The following DLGAP1 variants were observed in gnomAD, a reference collection of about 807,000 sequenced individuals.
DLGAP1 encodes the protein DLG associated protein 1.
In DLGAP1, 11 loss-of-function variants were observed where a neutral mutation model predicts 90.8. The observed-to-expected ratio is 0.12, with a 90% confidence interval of 0.08 to 0.20. The LOEUF is 0.20. Among genes scored for constraint, DLGAP1 ranks in the 10% least tolerant of loss-of-function variants. The probability of loss-of-function intolerance (pLI) is 1.00; values close to 1 mark genes in which losing one functional copy is unlikely to be tolerated. For missense variants in DLGAP1, 1,050 were observed against 1,333.8 expected, an observed-to-expected ratio of 0.79 and a Z score of 3.31; for synonymous variants, 558 against 540.7, an observed-to-expected ratio of 1.03 and a Z score of -0.44.
At chr18:4,213,719 T>C (rs1320379453) in intron 1 of DLGAP1, among the ~76,000 whole-genome samples, 1 of 152,094 alleles carries the variant, frequency 6.6e-6, no homozygotes, top group Non-Finnish European at 1.5e-5. Context: ...AATGGGGACC[T>C]CCCCCATATC....
intron 1 of DLGAP1, among the ~76,000 whole-genome samples, chr18:4,432,210 G>C (rs1420546222): frequency 1.3e-5 from 2 of 152,252 alleles, no homozygotes; most frequent in East Asian, 3.9e-4. Context: ...TGTTGGGCAT[G>C]GTAGTAATTG....
At chr18:3,619,809 T>C (rs550560756) in intron 7 of DLGAP1, among the ~76,000 whole-genome samples, 4 of 151,094 alleles carry the variant, frequency 2.6e-5, no homozygotes, top group Admixed American at 1.3e-4. Context: ...GGTTTTTTTT[T>C]GTTTTTTGTT....
chr18:4,196,418 T>A (rs1005860914), intron 1 of DLGAP1, among the ~76,000 whole-genome samples: 6 of 152,366 alleles, frequency 3.9e-5, no homozygotes, highest in Admixed American at 3.9e-4. Context: ...TGGGTGTTAT[T>A]TGCAAAGTTT....
chr18:4,072,345 T>G (rs1343421751), intron 2 of DLGAP1, among the ~76,000 whole-genome samples: 1 of 152,162 alleles, frequency 6.6e-6, no homozygotes, highest in African/African-American at 2.4e-5. Context: ...AGATGTGATG[T>G]GTCCTAAATA....
chr18:4,190,967 A>G (rs2077387831), intron 1 of DLGAP1, among the ~76,000 whole-genome samples: 1 of 152,168 alleles, frequency 6.6e-6, no homozygotes, highest in South Asian at 2.1e-4. Context: ...AATACATTAA[A>G]TAAGAAACTC....
chr18:4,355,442 G>A (rs1323199379), intron 1 of DLGAP1, among the ~76,000 whole-genome samples: 1 of 152,202 alleles, frequency 6.6e-6, no homozygotes, highest in East Asian at 1.9e-4. Flanking sequence ...GGTACCAGGG[G>A]ATAGGAATAA....
Position 4,366,610 on chromosome 18 carries a change from T to A in DLGAP1, c.-267+88396A>T, listed in dbSNP as rs143218826. 4.6e-5 allele frequency among the ~76,000 whole-genome samples: 7 copies of A among 151,714 alleles called. No homozygotes were observed. In the East Asian group the frequency reaches 1.4e-3, roughly 29 times the overall value. ...AAAAAAGTCTGAAAAGAATCCTTAG[T>A]GGGGAGATAATTTAAAAAAACGCTG... On this transcript the variant is annotated intron_variant, in intron 1 of 12. Coordinates refer to ENST00000315677, the MANE Select transcript of DLGAP1 (RefSeq NM_004746.4).
chr18:4,407,994 CGTGAGTTT>C (rs2082700164), intron 1 of DLGAP1, among the ~76,000 whole-genome samples: 3 of 152,054 alleles, frequency 2.0e-5, no homozygotes, highest in Admixed American at 6.5e-5. Flanking sequence ...TGGAGATGAA[CGTGAGTTT>C]TGTCAAAGAA....
At chr18:3,502,814 C>T (rs922237576) in intron 11 of DLGAP1, among the ~76,000 whole-genome samples, 169 bp from the exon 12 acceptor site, 1 of 152,094 alleles carries the variant, frequency 6.6e-6, no homozygotes, top group Non-Finnish European at 1.5e-5. Flanking sequence ...TACACTCATC[C>T]GTTTGAGTCA....
At chr18:4,174,952 T>C (rs1320612619) in intron 1 of DLGAP1, among the ~76,000 whole-genome samples, 2 of 152,240 alleles carry the variant, frequency 1.3e-5, no homozygotes, top group African/African-American at 2.4e-5. Context: ...CATTTTTTTA[T>C]GGCTCTGTAG....
chr18:4,414,550 C>A (rs766573425), intron 1 of DLGAP1, among the ~76,000 whole-genome samples: 11 of 151,918 alleles, frequency 7.2e-5, no homozygotes, highest in Non-Finnish European at 7.4e-5. Flanking sequence ...ATAGTGAAAC[C>A]CAATCTCTAC....
chr18:3,640,592 C>T (rs189988227), intron 7 of DLGAP1, among the ~76,000 whole-genome samples: 1 of 152,232 alleles, frequency 6.6e-6, no homozygotes, highest in Non-Finnish European at 1.5e-5. Context: ...CCCACTGCTG[C>T]ACTCAGGACC....
At chr18:4,362,819 C>T (rs2081658602) in intron 1 of DLGAP1, among the ~76,000 whole-genome samples, 1 of 151,912 alleles carries the variant, frequency 6.6e-6, no homozygotes, top group Non-Finnish European at 1.5e-5. Flanking sequence ...AAAAATCAAA[C>T]AAAGACATAC....
chr18:4,305,668 C>T (rs368856064), intron 1 of DLGAP1, among the ~76,000 whole-genome samples: 20 of 152,128 alleles, frequency 1.3e-4, no homozygotes, highest in African/African-American at 4.1e-4. Flanking sequence ...ATTGTTATTT[C>T]ACCTTTACAA....
At chr18:3,557,242 C>T in intron 9 of DLGAP1, among the ~76,000 whole-genome samples, 1 of 152,172 alleles carries the variant, frequency 6.6e-6, no homozygotes, top group Non-Finnish European at 1.5e-5. Context: ...TGTATTTCTG[C>T]CGGGTGCGGT....
rs1187088283 is a variant in DLGAP1 at position 3,772,429 on chromosome 18, TCCTC to T, written c.1173-29921_1173-29918del. Among the ~76,000 whole-genome samples, 478 of 83,600 alleles carry T rather than the reference TCCTC, an allele frequency of 5.7e-3. 21 individuals are homozygous for T. The highest frequency in any genetic ancestry group is 0.018 in the African/African-American group (446 of 24,372). 54.8% of individuals were successfully genotyped at this position (83,600 alleles called of 152,430 possible). On this transcript the variant is annotated intron_variant, in intron 5 of 12. Transcript: ENST00000315677. ...CTTTCTCTTTCTTTCTTTCCTTCCTTCCTCCCTCCCTCCCTCCCCCCCACCCCCC... is the reference window on the plus strand; with the variant it reads ...CTTTCTCTTTCTTTCTTTCCTTCCTTCCTCCCTCCCTCCCCCCCACCCCCC...
chr18:3,857,478 C>G (rs1291678532), intron 4 of DLGAP1, among the ~76,000 whole-genome samples: 1 of 151,946 alleles, frequency 6.6e-6, no homozygotes, highest in African/African-American at 2.4e-5. Context: ...TTTTACCCTA[C>G]CAGTTTAAGG....
chr18:3,902,308 T>C (rs926672684), intron 3 of DLGAP1, among the ~76,000 whole-genome samples: 3 of 152,200 alleles, frequency 2.0e-5, no homozygotes, highest in Admixed American at 6.5e-5. Flanking sequence ...CAAATGGAAG[T>C]AATATCGAGT....
chr18:3,654,533 G>A (rs1567905852), intron 7 of DLGAP1, among the ~76,000 whole-genome samples: 1 of 152,194 alleles, frequency 6.6e-6, no homozygotes, highest in African/African-American at 2.4e-5. Flanking sequence ...TGACTTCAAA[G>A]CCATTCCTTG....
Sources: allele counts gnomAD v4.1 joint callset (sites outside exome capture counted in the v4.1 genomes callset), GRCh38; gene constraint gnomAD v4.1.1; transcripts MANE v1.5; gene names NCBI Gene and HGNC (gene_info 2026-07-23, HGNC 2026-07-21).